Variants in CFAP299 observed in about 807,000 individuals in gnomAD.
CFAP299 encodes cilia- and flagella-associated protein 299.
A neutral mutation model predicts 27.0 loss-of-function variants in CFAP299; 21 were observed. The ratio of observed to expected loss-of-function variants is 0.78; its 90% CI spans 0.55 to 1.12. The LOEUF (loss-of-function observed/expected upper bound fraction) is 1.12, where lower values mean the gene tolerates loss of function less well. Ranked by LOEUF, CFAP299 falls within the 50% of genes most tolerant of loss-of-function variation. The pLI, the probability that CFAP299 is intolerant of heterozygous loss-of-function variation, is 0.00. For synonymous variants in CFAP299, 104 were observed against 98.1 expected, an observed-to-expected ratio of 1.06 and a Z score of -0.36; for missense variants, 310 against 276.6, an observed-to-expected ratio of 1.12 and a Z score of -0.86.
At chr4:80,712,612 C>A (rs961618620) in intron 3 of CFAP299, among the ~76,000 whole-genome samples, 2 of 152,260 alleles carry the variant, frequency 1.3e-5, no homozygotes, top group Non-Finnish European at 2.9e-5. Context: ...CTTTACTAAG[C>A]TGAGTAAACT....
chr4:80,498,492 A>C (rs1003068765), intron 2 of CFAP299, among the ~76,000 whole-genome samples: 2 of 152,202 alleles, frequency 1.3e-5, no homozygotes, highest in South Asian at 2.1e-4. Flanking sequence ...CATATGAAAA[A>C]ATGCTCAACA....
chr4:80,390,836 T>C (rs1415901807), intron 2 of CFAP299, among the ~76,000 whole-genome samples: 2 of 145,858 alleles, frequency 1.4e-5, no homozygotes, highest in East Asian at 4.0e-4. Context: ...TATGTATATA[T>C]GTATATACAC....
chr4:80,569,610 T>C (rs533283434), intron 2 of CFAP299, among the ~76,000 whole-genome samples: 1 of 152,110 alleles, frequency 6.6e-6, no homozygotes, highest in African/African-American at 2.4e-5. Context: ...GGAATAATAA[T>C]GAGAGAGTTT....
intron 4 of CFAP299, among the ~76,000 whole-genome samples, chr4:80,942,404 G>T (rs1354190967): frequency 6.6e-6 from 1 of 152,058 alleles, no homozygotes; most frequent in Non-Finnish European, 1.5e-5. Context: ...TGGATTTGGT[G>T]ATAAGATTAA....
At position 80,857,068 on chromosome 4, in the gene CFAP299, C is replaced by G. The variant is rs144561265; in HGVS notation, c.334-12925C>G. 1.8e-3 allele frequency among the ~76,000 whole-genome samples: 274 copies of G among 152,246 alleles called. 1 individual carries two copies. Among genetic ancestry groups the G allele is most frequent in the Admixed American group, 4.1e-3 (62 of 15,288 alleles). On this transcript the variant is annotated intron_variant, in intron 3 of 5. Transcript: ENST00000358105. ...ATGTTCTTCCATTTGTTTGTATCCT[C>G]TTTTATTTCACTGAACAGTGTTTTG...
At chr4:80,562,525 A>T (rs939854646) in intron 2 of CFAP299, among the ~76,000 whole-genome samples, 4 of 151,824 alleles carry the variant, frequency 2.6e-5, no homozygotes, top group Non-Finnish European at 5.9e-5. Flanking sequence ...AACCAGCTTA[A>T]CAAATTAAAA....
intron 2 of CFAP299, among the ~76,000 whole-genome samples, chr4:80,510,812 A>G (rs2110163055): frequency 6.6e-6 from 1 of 152,304 alleles, no homozygotes; most frequent in Non-Finnish European, 1.5e-5. Context: ...ACTATTTATC[A>G]TTTGTAGTAT....
intron 1 of CFAP299, among the ~76,000 whole-genome samples, chr4:80,360,364 A>G (rs1015324354): frequency 6.6e-6 from 1 of 152,130 alleles, no homozygotes; most frequent in Non-Finnish European, 1.5e-5. Context: ...TGAGGAAGGT[A>G]TGCTGGTGGG....
chr4:80,912,569 G>A (rs1477273901), intron 4 of CFAP299, among the ~76,000 whole-genome samples: 14 of 152,152 alleles, frequency 9.2e-5, no homozygotes, highest in Admixed American at 9.2e-4. Flanking sequence ...GGTGTTAACA[G>A]ACAGAGCAGA....
At chr4:80,424,163 T>G (rs956924219) in intron 2 of CFAP299, among the ~76,000 whole-genome samples, 4 of 152,166 alleles carry the variant, frequency 2.6e-5, no homozygotes, top group African/African-American at 9.7e-5. Context: ...CTTAAGCCAT[T>G]TTGGAAGAGG....
chr4:80,539,872 G>A (rs183055131), intron 2 of CFAP299, among the ~76,000 whole-genome samples: 63 of 152,300 alleles, frequency 4.1e-4, no homozygotes, highest in Admixed American at 6.5e-4. Context: ...CAATGCATTT[G>A]CAGGAGATTT....
intron 3 of CFAP299, among the ~76,000 whole-genome samples, chr4:80,790,218 T>C (rs527864069): frequency 6.6e-6 from 1 of 152,158 alleles, no homozygotes; most frequent in South Asian, 2.1e-4. Context: ...AAATATGAAT[T>C]GACCTGTGGC....
At chr4:80,535,494 C>CAAAAAAAAAA (rs143122836) in intron 2 of CFAP299, among the ~76,000 whole-genome samples, 1 of 33,278 alleles carries the variant, frequency 3.0e-5, no homozygotes, top group Non-Finnish European at 8.2e-5. Context: ...GACTCCGTCT[C>CAAAAAAAAAA]AAAAAAAAAA....
intron 3 of CFAP299, among the ~76,000 whole-genome samples, chr4:80,662,766 G>C (rs1441673862): frequency 1.3e-5 from 2 of 152,142 alleles, no homozygotes; most frequent in Non-Finnish European, 2.9e-5. Context: ...TGGGTGTCCT[G>C]GAATAGGACA....
At chr4:80,893,195 T>C (rs932562657) in intron 4 of CFAP299, among the ~76,000 whole-genome samples, 3 of 151,420 alleles carry the variant, frequency 2.0e-5, no homozygotes, top group Admixed American at 2.0e-4. Context: ...GAAAAAACTA[T>C]ACACTGAAAA....
chr4:80,622,599 T>G (rs1738665257), intron 3 of CFAP299, among the ~76,000 whole-genome samples: 1 of 152,176 alleles, frequency 6.6e-6, no homozygotes, highest in Non-Finnish European at 1.5e-5. Context: ...TAATAATAAC[T>G]TTGCATTTCT....
At chr4:80,785,481 C>T (rs1225334686) in intron 3 of CFAP299, among the ~76,000 whole-genome samples, 2 of 152,102 alleles carry the variant, frequency 1.3e-5, no homozygotes, top group Non-Finnish European at 2.9e-5. Context: ...TCAATAGATA[C>T]TCTAGTAACC....
At chr4:80,339,671 T>C (rs1053318927) in intron 1 of CFAP299, among the ~76,000 whole-genome samples, 6 of 152,240 alleles carry the variant, frequency 3.9e-5, no homozygotes, top group Non-Finnish European at 8.8e-5. Context: ...CAAAGAAATA[T>C]ATTTGTTCTG....
chr4:80,596,519 CTTTA>C (rs1365625454), intron 3 of CFAP299, among the ~76,000 whole-genome samples: 1 of 151,826 alleles, frequency 6.6e-6, no homozygotes, highest in African/African-American at 2.4e-5. Context: ...TTTAATCACT[CTTTA>C]TTTAAGCTCT....
Sources: allele counts gnomAD v4.1 joint callset (sites outside exome capture counted in the v4.1 genomes callset), GRCh38; gene constraint gnomAD v4.1.1; transcripts MANE v1.5; gene names NCBI Gene and HGNC (gene_info 2026-07-23, HGNC 2026-07-21).